CNTNAP5: variants seen among roughly 807,000 people sequenced by gnomAD.
CNTNAP5 encodes the protein contactin associated protein family member 5, also known as contactin-associated protein-like 5.
In CNTNAP5, 72 loss-of-function variants were observed where a neutral mutation model predicts 150.2. The observed-to-expected ratio is 0.48, with a 90% CI of 0.40 to 0.58. The LOEUF is 0.58. Among genes scored for constraint, CNTNAP5 ranks in the 20% least tolerant of loss-of-function variants. CNTNAP5 has a pLI of 0.00. For synonymous variants in CNTNAP5, 672 were observed against 619.8 expected, an observed-to-expected ratio of 1.08 and a Z score of -1.25; for missense variants, 1,636 against 1,626.2, an observed-to-expected ratio of 1.01 and a Z score of -0.10.
intron 10 of CNTNAP5, among the ~76,000 whole-genome samples, chr2:124,543,278 GA>G (rs1402068590): frequency 6.6e-6 from 1 of 151,238 alleles, no homozygotes; most frequent in Non-Finnish European, 1.5e-5. Flanking sequence ...GGAAGCATAG[GA>G]GCACATTATC....
intron 19 of CNTNAP5, among the ~76,000 whole-genome samples, chr2:124,820,529 A>G (rs2104668674): frequency 6.9e-6 from 1 of 145,516 alleles, no homozygotes; most frequent in South Asian, 2.2e-4. Flanking sequence ...GAAATGACAC[A>G]AAGGAAAGGG....
chr2:124,257,042 A>G (rs542173881), intron 3 of CNTNAP5, among the ~76,000 whole-genome samples: 1 of 152,284 alleles, frequency 6.6e-6, no homozygotes, highest in Admixed American at 6.5e-5. Flanking sequence ...AGCAATGCAT[A>G]TACAACCCAC....
At chr2:124,822,156 C>T (rs1682505316) in intron 19 of CNTNAP5, among the ~76,000 whole-genome samples, 1 of 152,158 alleles carries the variant, frequency 6.6e-6, no homozygotes, top group Admixed American at 6.5e-5. Context: ...GTTCTGTGCT[C>T]TGTAGCCTCA....
At chr2:124,336,197 A>C (rs1689462627) in intron 3 of CNTNAP5, among the ~76,000 whole-genome samples, 1 of 152,082 alleles carries the variant, frequency 6.6e-6, no homozygotes, top group African/African-American at 2.4e-5. Context: ...AAGGAAGGTG[A>C]GGTACAGAAC....
At position 124,171,703 on chromosome 2, in the gene CNTNAP5, A is replaced by G. The variant is rs146049173; in HGVS notation, c.83-50002A>G. On this transcript the variant is annotated intron_variant, in intron 1 of 23. Transcript: ENST00000682447. Reference sequence around the variant, plus strand: ...GGTGTCCTAGCCATTCTGGGCATTCAGTAAAGGCCAAGCTTTTTTTTGTAC... The same window carrying G: ...GGTGTCCTAGCCATTCTGGGCATTCGGTAAAGGCCAAGCTTTTTTTTGTAC... Among the ~76,000 whole-genome samples the G allele has an allele frequency of 2.5e-3, 382 of 152,324 alleles. 1 individual carries two copies. The highest frequency in any genetic ancestry group is 8.6e-3 in the African/African-American group (359 of 41,582).
rs754412146 is a variant in CNTNAP5, at chr2:124,504,434, A to G, written c.1205A>G (p.Asp402Gly). The change falls in exon 8 of 24, where the codon GAT (aspartate) becomes GGT (glycine). Residue 402 changes from aspartate (D) to glycine (G), a missense_variant. Asp to Gly is a moderately conservative substitution (Grantham distance 94). Transcript: ENST00000682447. ...TTCCAGTTTCGAACATGGAACAAGG[A>G]TGGTCTGCTTCTGTCCACAGAGCTG... ...VSFQFRTWNKDGLLLSTELSE... is the reference protein window; with the variant it reads ...VSFQFRTWNKGGLLLSTELSE... The G allele has an allele frequency of 6.2e-7, 1 of 1,613,898 alleles. No homozygotes were observed. Among genetic ancestry groups the G allele is most frequent in the South Asian group, 1.1e-5 (1 of 91,082 alleles).
In CNTNAP5 at chr2:124,747,243, A is replaced by G. The variant is rs757351124; in HGVS notation, c.2092A>G (p.Thr698Ala). The change falls in exon 14 of 24, where the codon ACC becomes GCC. Residue 698 changes from threonine (T) to alanine (A), a missense_variant. By Grantham distance (58) the Thr-to-Ala change is moderately conservative. Transcript: ENST00000682447. ...TTGTCTTCCAGATGGAACACCATTTACCTGGTGGATTGGGCGGTCCAATGA... is the reference window on the plus strand; with the variant it reads ...TTGTCTTCCAGATGGAACACCATTTGCCTGGTGGATTGGGCGGTCCAATGA... ...LLNTPDGTPF[T>A]WWIGRSNERH... 1.3e-5 allele frequency: 21 copies of G among 1,613,362 alleles called. No individual in the cohort carries two copies. The highest frequency in any genetic ancestry group is 1.3e-5 in the Non-Finnish European group (15 of 1,179,568).
intron 1 of CNTNAP5, among the ~76,000 whole-genome samples, chr2:124,126,365 T>A (rs1052466057): frequency 6.6e-6 from 1 of 152,174 alleles, no homozygotes; most frequent in East Asian, 1.9e-4. Flanking sequence ...CAGGAAGAAG[T>A]TGAATCTCTG....
intron 19 of CNTNAP5, among the ~76,000 whole-genome samples, chr2:124,858,052 T>A (rs1369206891): frequency 2.6e-5 from 4 of 152,108 alleles, no homozygotes; most frequent in Non-Finnish European, 4.4e-5. Context: ...ATGGGACATA[T>A]CTCAAAATAA....
At chr2:124,888,291 T>C (rs957243238) in intron 21 of CNTNAP5, among the ~76,000 whole-genome samples, 1 of 152,186 alleles carries the variant, frequency 6.6e-6, no homozygotes, top group African/African-American at 2.4e-5. Context: ...TTCTGTTTTA[T>C]GGCTGCATAG....
At chr2:124,394,979 T>C (rs999713928) in intron 3 of CNTNAP5, among the ~76,000 whole-genome samples, 5 of 152,150 alleles carry the variant, frequency 3.3e-5, no homozygotes, top group African/African-American at 4.8e-5. Flanking sequence ...CTCTTGATCT[T>C]ATCCTATGAC....
intron 1 of CNTNAP5, among the ~76,000 whole-genome samples, chr2:124,177,239 A>G (rs1035648667): frequency 1.3e-4 from 20 of 152,080 alleles, no homozygotes; most frequent in Non-Finnish European, 1.5e-4. Flanking sequence ...TTTGGGAAAA[A>G]GGGGTTTTAG....
intron 13 of CNTNAP5, among the ~76,000 whole-genome samples, chr2:124,690,394 A>G (rs565198347): frequency 5.9e-5 from 9 of 152,212 alleles, no homozygotes; most frequent in South Asian, 2.1e-4. Context: ...AGCAACATGA[A>G]TATACAGACA....
chr2:124,493,677 T>A (rs1365394572), intron 7 of CNTNAP5, among the ~76,000 whole-genome samples: 1 of 152,060 alleles, frequency 6.6e-6, no homozygotes, highest in African/African-American at 2.4e-5. Flanking sequence ...TCATTGAAGA[T>A]AATTACACAC....
intron 4 of CNTNAP5, among the ~76,000 whole-genome samples, chr2:124,427,723 T>G (rs1334201180): frequency 6.6e-6 from 1 of 152,066 alleles, no homozygotes; most frequent in Non-Finnish European, 1.5e-5. Flanking sequence ...TCCCAAAGTG[T>G]TGGGATTACA....
In CNTNAP5 at chr2:124,752,586, G is replaced by A. The variant is rs777570491; in HGVS notation, c.2234+5201G>A. Reference sequence around the variant, plus strand: ...GTCGGAATTAGCTGATTTCCTAGGGGTTTTTCTATCTCAGCCAAATCACTA... The same window carrying A: ...GTCGGAATTAGCTGATTTCCTAGGGATTTTTCTATCTCAGCCAAATCACTA... On this transcript the variant is annotated intron_variant, in intron 14 of 23. Coordinates refer to ENST00000682447, the MANE Select transcript of CNTNAP5 (RefSeq NM_001367498.1). Among the ~76,000 whole-genome samples, 12 of 152,054 alleles carry A rather than the reference G, an allele frequency of 7.9e-5. 1 individual carries two copies. The South Asian group carries it at 1.7e-3, about 21-fold the overall frequency.
At chr2:124,464,145 G>A (rs752879321) in intron 6 of CNTNAP5, among the ~76,000 whole-genome samples, 6 of 152,106 alleles carry the variant, frequency 3.9e-5, no homozygotes, top group Non-Finnish European at 7.4e-5. Context: ...GCAATTATTG[G>A]GGTTGGGTCA....
intron 21 of CNTNAP5, among the ~76,000 whole-genome samples, chr2:124,884,265 A>G (rs1447230533): frequency 6.6e-6 from 1 of 151,916 alleles, no homozygotes; most frequent in African/African-American, 2.4e-5. Context: ...GTGTATGTGT[A>G]TGGGAATACT....
At chr2:124,451,614 G>A (rs908412643) in intron 6 of CNTNAP5, among the ~76,000 whole-genome samples, 2 of 152,010 alleles carry the variant, frequency 1.3e-5, no homozygotes, top group Admixed American at 6.6e-5. Context: ...GCTCCAGAAC[G>A]ACTGCAGTAA....
Sources: gnomAD v4.1 joint callset for allele counts (sites outside exome capture counted in the v4.1 genomes callset) on GRCh38, gnomAD v4.1.1 for gene constraint, MANE v1.5 for transcripts, NCBI Gene and HGNC (gene_info 2026-07-23, HGNC 2026-07-21) for gene names.